DGCR8: variants seen among roughly 807,000 people sequenced by gnomAD.
DGCR8 encodes the protein DGCR8 microprocessor complex subunit.
A neutral mutation model predicts 78.5 loss-of-function variants in DGCR8; 14 were observed. The observed-to-expected ratio is 0.18, with a 90% CI of 0.12 to 0.28. The LOEUF (loss-of-function observed/expected upper bound fraction) is 0.28. DGCR8 is among the 10% of genes least tolerant of loss of function. The pLI is 1.00. For synonymous variants in DGCR8, 399 were observed against 402.4 expected, an observed-to-expected ratio of 0.99 and a Z score of 0.10; for missense variants, 702 against 1,022.5, an observed-to-expected ratio of 0.69 and a Z score of 4.28.
At chr22:20,106,740 C>G (rs4819529) in intron 11 of DGCR8, 42 bp downstream of exon 11, 1 of 1,459,364 alleles carries the variant, frequency 6.9e-7, no homozygotes, top group Non-Finnish European at 9.6e-7. Context: ...GCTGGGCGGG[C>G]GGCCCCTGGT....
intron 9 of DGCR8, chr22:20,101,997 T>C: frequency 1.0e-6 from 1 of 985,306 alleles, no homozygotes; most frequent in Non-Finnish European, 1.2e-6. Flanking sequence ...ACAAAGCTTG[T>C]GGTGATCTCT....
chr22:20,111,627 G>A lies in DGCR8; in HGVS notation c.*1519G>A, dbSNP rs2049847576. The A allele has an allele frequency of 2.8e-6, 1 of 355,704 alleles. No homozygotes were observed. Among genetic ancestry groups the A allele is most frequent in the Non-Finnish European group, 5.0e-6 (1 of 199,636 alleles). 22.0% of individuals were successfully genotyped at this position (355,704 alleles called of 1,614,324 possible). On this transcript the variant is annotated 3_prime_UTR_variant, in exon 14 of 14. Transcript: ENST00000351989. ...CTTCGTGCACATGTGTTCCCCTAAA[G>A]GTTGGGGAGCCTCGCTGTGTCTTGC...
intron 1 of DGCR8, among the ~76,000 whole-genome samples, chr22:20,083,710 A>G (rs952564789): frequency 1.3e-5 from 2 of 151,980 alleles, no homozygotes; most frequent in African/African-American, 4.8e-5. Flanking sequence ...CAGGGTCTCT[A>G]TGGGACTGCC....
rs2049468286 is a variant in DGCR8, at chr22:20,085,263, G to T, written c.-277-424G>T. Among the ~76,000 whole-genome samples the T allele has an allele frequency of 6.6e-6, 1 of 152,182 alleles. No individual in the cohort carries two copies. The highest frequency in any genetic ancestry group is 6.5e-5 in the Admixed American group (1 of 15,280). ...TCGCGCTCGCCCTCTGACTGACCCA[G>T]CCCTTGCAGGTGAGTGGATTGCTGT... On this transcript the variant is annotated intron_variant, in intron 1 of 13. Coordinates refer to ENST00000351989, the MANE Select transcript of DGCR8 (RefSeq NM_022720.7). This position sits in a 1 kb window ranked among gnomAD's most constrained non-coding sequence, Gnocchi z 6.2.
At chr22:20,101,526 T>C (rs1221481559) in intron 9 of DGCR8, 8 of 939,420 alleles carry the variant, frequency 8.5e-6, no homozygotes, top group Non-Finnish European at 1.0e-5. Flanking sequence ...TGCAGCGAGC[T>C]GAGATTGCGC....
chr22:20,092,770 T>C, intron 7 of DGCR8, 39 bp from the exon 8 acceptor site: 1 of 1,570,488 alleles, frequency 6.4e-7, no homozygotes, highest in South Asian at 1.1e-5. Flanking sequence ...TTTGATGTCT[T>C]GACTCGTATG....
Position 20,110,987 on chromosome 22 carries a change from TCA to T in DGCR8, c.*882_*883del. On this transcript the variant is annotated 3_prime_UTR_variant, in exon 14 of 14. Transcript: ENST00000351989. ...GATATTTTAGCATTTTGAAAGACTT[TCA>T]CAGTGAGAGTAGAAGGTAGATTTGG... 2 of 396,566 alleles carry T rather than the reference TCA, an allele frequency of 5.0e-6. No individual in the cohort carries two copies. Among genetic ancestry groups the T allele is most frequent in the Non-Finnish European group, 8.9e-6 (2 of 225,324 alleles). 24.6% of individuals were successfully genotyped at this position (396,566 alleles called of 1,614,324 possible).
intron 1 of DGCR8, among the ~76,000 whole-genome samples, chr22:20,083,643 G>C (rs1259553634): frequency 1.3e-5 from 2 of 152,034 alleles, no homozygotes; most frequent in Non-Finnish European, 2.9e-5. Flanking sequence ...CTAATCCCCT[G>C]CTCCTTGTGG....
intron 1 of DGCR8, chr22:20,084,902 T>C (rs1486973270): frequency 1.1e-6 from 1 of 890,470 alleles, no homozygotes; most frequent in Non-Finnish European, 1.3e-6. Flanking sequence ...GGAACCTACT[T>C]GTGGCATGAG....
At position 20,086,464 on chromosome 22, in the gene DGCR8, T is replaced by A. The variant is rs989729711; in HGVS notation, c.501T>A (p.Ser167Arg). 2 of 1,613,234 alleles carry A rather than the reference T, an allele frequency of 1.2e-6. No homozygotes were observed. The highest frequency in any genetic ancestry group is 1.7e-6 in the Non-Finnish European group (2 of 1,179,882). ...GDVHACPFGG[S>R]VGDGVGIGGE... ...TGCATGCTTGTCCCTTTGGCGGGAG[T>A]GTTGGTGACGGGGTAGGCATAGGGG... is the stretch of plus-strand genomic sequence containing the variant. Residue 167 changes from serine (S) to arginine (R), a missense_variant, in exon 2 of 14, where the codon AGT (serine) becomes AGA (arginine). Physicochemically the swap from Ser to Arg is moderately radical, Grantham distance 110 (BLOSUM62 -1). Transcript: ENST00000351989. The surrounding 1 kb of genome is among the most constrained non-coding windows in gnomAD (Gnocchi z 6.4).
chr22:20,106,027 C>T (rs774948094), intron 9 of DGCR8, 150 bp from the exon 10 acceptor site: 133 of 614,796 alleles, frequency 2.2e-4, no homozygotes, highest in Non-Finnish European at 3.5e-4. Context: ...GTCTTGTACC[C>T]GGTGGGTTCC....
At chr22:20,100,825 C>A (rs2049690347) in intron 9 of DGCR8, 2 of 985,350 alleles carry the variant, frequency 2.0e-6, no homozygotes, top group African/African-American at 3.5e-5. Flanking sequence ...TCCTCCCACA[C>A]TGCAGCCTGT....
At chr22:20,083,785 G>A (rs139591368) in intron 1 of DGCR8, among the ~76,000 whole-genome samples, 2 of 152,170 alleles carry the variant, frequency 1.3e-5, no homozygotes, top group East Asian at 1.9e-4. Flanking sequence ...TTGACCCCTC[G>A]GTCTGTTTTC....
In DGCR8 at chr22:20,111,721, C is replaced by G. The variant is rs959623521; in HGVS notation, c.*1613C>G. ...GTCTCTGTGCGCCCCCCCCCCCCCC[C>G]CACCCGTCTGCCAAGCATGGGTATG... On this transcript the variant is annotated 3_prime_UTR_variant, in exon 14 of 14. Coordinates refer to ENST00000351989, the MANE Select transcript of DGCR8 (RefSeq NM_022720.7). The G allele has an allele frequency of 1.1e-5, 2 of 181,458 alleles. No individual in the cohort carries two copies. Among genetic ancestry groups the G allele is most frequent in the East Asian group, 6.3e-5 (1 of 15,794 alleles). The allele number at this position is 181,458 out of a possible 1,614,324, so 11.2% of individuals were successfully genotyped here.
intron 13 of DGCR8, 74 bp from the exon 14 acceptor site, chr22:20,109,951 C>T: frequency 6.9e-7 from 1 of 1,444,834 alleles, no homozygotes; most frequent in South Asian, 1.2e-5. Flanking sequence ...CTGGGCTCTC[C>T]CTCCACCTTG....
Position 20,111,517 on chromosome 22 carries a change from T to G in DGCR8, c.*1409T>G. 1 of 398,118 alleles carries G rather than the reference T, an allele frequency of 2.5e-6. No homozygotes were observed. The highest frequency in any genetic ancestry group is 4.4e-6 in the Non-Finnish European group (1 of 226,068). The allele number at this position is 398,118 out of a possible 1,614,324, so 24.7% of individuals were successfully genotyped here. A position where few individuals can be genotyped will look rare whatever the true frequency, so the allele number is the denominator to read the frequency against. On this transcript the variant is annotated 3_prime_UTR_variant, in exon 14 of 14. Coordinates refer to ENST00000351989, the MANE Select transcript of DGCR8 (RefSeq NM_022720.7). ...ATTGCTATAATTAGACACTTGCTTCTGTCTTGCCTCCTGTCTGCAGCTGTG... is the reference window on the plus strand; with the variant it reads ...ATTGCTATAATTAGACACTTGCTTCGGTCTTGCCTCCTGTCTGCAGCTGTG...
At chr22:20,102,307 C>G (rs1397990322) in intron 9 of DGCR8, among the ~76,000 whole-genome samples, 1 of 152,166 alleles carries the variant, frequency 6.6e-6, no homozygotes, top group Non-Finnish European at 1.5e-5. Flanking sequence ...TGAATGTCCT[C>G]TTAGTGGAGT....
At position 20,107,278 on chromosome 22, in the gene DGCR8, C is replaced by T. The variant is rs2049782486; in HGVS notation, c.2004C>T (p.Asn668=). ...TGCTCTTTCTCTGTGTAGGTAAGAA[C>T]AAGAGAGTTGGAAAGCAGTTAGCCT... is the stretch of plus-strand genomic sequence containing the variant. ...GKHTVRGWCK[N]KRVGKQLASQ... Residue 668 remains asparagine (N), a synonymous_variant, in exon 12 of 14, where the codon AAC becomes AAT. Coordinates refer to ENST00000351989, the MANE Select transcript of DGCR8 (RefSeq NM_022720.7). 1.9e-6 allele frequency: 3 copies of T among 1,614,124 alleles called. No individual in the cohort carries two copies. The highest frequency in any genetic ancestry group is 2.5e-6 in the Non-Finnish European group (3 of 1,180,012).
In DGCR8 at chr22:20,111,442, T is replaced by C. The variant is rs1245423762; in HGVS notation, c.*1334T>C. On this transcript the variant is annotated 3_prime_UTR_variant, in exon 14 of 14. Coordinates refer to ENST00000351989, the MANE Select transcript of DGCR8 (RefSeq NM_022720.7). ...ACATATCCTTCCCTCACTACCTGTG[T>C]GACCAAGGTTGGCTTCTGTTGACCT... The C allele has an allele frequency of 5.0e-6, 2 of 398,218 alleles. No individual in the cohort carries two copies. Among genetic ancestry groups the C allele is most frequent in the South Asian group, 1.3e-4 (1 of 7,846 alleles). 24.7% of individuals were successfully genotyped at this position (398,218 alleles called of 1,614,324 possible). A position where few individuals can be genotyped will look rare whatever the true frequency, so the allele number is the denominator to read the frequency against.
Sources: allele counts gnomAD v4.1 joint callset (sites outside exome capture counted in the v4.1 genomes callset), GRCh38; gene constraint gnomAD v4.1.1; non-coding constraint Gnocchi (gnomAD v3.1); transcripts MANE v1.5; gene names NCBI Gene and HGNC (gene_info 2026-07-23, HGNC 2026-07-21).